Variants in NPFFR2 observed in about 807,000 individuals in gnomAD.
NPFFR2 encodes the protein G-protein coupled receptor 74.
NPFFR2 carries 15 observed loss-of-function variants against 13.1 expected under a neutral mutation model. That is an observed-to-expected ratio of 1.15 (90% confidence interval 0.77 to 1.76). The LOEUF is 1.76. NPFFR2 is among the 40% of genes most tolerant of loss of function. The probability of loss-of-function intolerance (pLI) is 0.00; values close to 1 mark genes in which losing one functional copy is unlikely to be tolerated. For missense variants in NPFFR2, 572 were observed against 503.5 expected, an observed-to-expected ratio of 1.14 and a Z score of -1.30; for synonymous variants, 190 against 175.7, an observed-to-expected ratio of 1.08 and a Z score of -0.65.
At chr4:72,127,263 C>A (rs1437934359) in intron 1 of NPFFR2, among the ~76,000 whole-genome samples, 2 of 98,088 alleles carry the variant, frequency 2.0e-5, no homozygotes, top group Non-Finnish European at 3.7e-5. Context: ...GAGATCGCGC[C>A]ACTGCACTCC....
chr4:72,050,420 T>C (rs1175878186), intron 1 of NPFFR2, among the ~76,000 whole-genome samples: 1 of 151,974 alleles, frequency 6.6e-6, no homozygotes, highest in African/African-American at 2.4e-5. Context: ...TGCTTCATTA[T>C]ACACTCCTCC....
At chr4:72,081,696 G>A (rs1720626849) in intron 1 of NPFFR2, among the ~76,000 whole-genome samples, 1 of 151,846 alleles carries the variant, frequency 6.6e-6, no homozygotes, top group African/African-American at 2.4e-5. Context: ...TTGCTATGTT[G>A]CCTAAGCTTG....
At chr4:72,125,094 C>T (rs2109831161) in intron 1 of NPFFR2, among the ~76,000 whole-genome samples, 1 of 152,236 alleles carries the variant, frequency 6.6e-6, no homozygotes, top group East Asian at 1.9e-4. Context: ...GAAAAAACAA[C>T]CCCATCAAAA....
chr4:72,082,092 A>G (rs1424837719), intron 1 of NPFFR2, among the ~76,000 whole-genome samples: 2 of 152,324 alleles, frequency 1.3e-5, no homozygotes, highest in East Asian at 1.9e-4. Context: ...CTTAACTGGC[A>G]AGAGACTGGC....
At chr4:72,072,060 A>G (rs1172299862) in intron 1 of NPFFR2, among the ~76,000 whole-genome samples, 1 of 152,148 alleles carries the variant, frequency 6.6e-6, no homozygotes, top group Non-Finnish European at 1.5e-5. Flanking sequence ...GCCTACAACA[A>G]TCAAGAAACA....
intron 3 of NPFFR2, among the ~76,000 whole-genome samples, chr4:72,138,562 G>T (rs989200073): frequency 6.6e-6 from 1 of 152,020 alleles, no homozygotes; most frequent in Admixed American, 6.6e-5. Flanking sequence ...GTTTCCAGCT[G>T]CATCCATGTC....
chr4:72,108,007 C>T (rs918369387), intron 1 of NPFFR2, among the ~76,000 whole-genome samples: 7 of 151,836 alleles, frequency 4.6e-5, no homozygotes, highest in Admixed American at 2.0e-4. Context: ...TGAATATAGG[C>T]GATCAATGAA....
chr4:72,101,542 G>A (rs111656840), intron 1 of NPFFR2, among the ~76,000 whole-genome samples: 3,201 of 151,630 alleles, frequency 0.021, 114 homozygotes, highest in African/African-American at 0.073. Flanking sequence ...TAAAATAGGG[G>A]TCATAAAATA....
rs536337841 is a variant in NPFFR2, at chr4:72,079,419, A to T, written c.-8+47219A>T. On this transcript the variant is annotated intron_variant, in intron 1 of 3. Transcript: ENST00000308744. ...GATGCATGCAAATTATTGCTTTAAA[A>T]ACATATGACCAGTTAGTCAACATAA... Among the ~76,000 whole-genome samples, 7 of 152,306 alleles carry T rather than the reference A, an allele frequency of 4.6e-5. No individual in the cohort carries two copies. The South Asian group carries it at 1.4e-3, about 32-fold the overall frequency.
At chr4:72,055,919 G>A (rs1282003345) in intron 1 of NPFFR2, among the ~76,000 whole-genome samples, 1 of 151,968 alleles carries the variant, frequency 6.6e-6, no homozygotes, top group East Asian at 1.9e-4. Flanking sequence ...TGAGGAAGCT[G>A]CAGGAGAAAA....
At chr4:72,094,623 G>A (rs1337678389) in intron 1 of NPFFR2, among the ~76,000 whole-genome samples, 1 of 152,100 alleles carries the variant, frequency 6.6e-6, no homozygotes, top group Non-Finnish European at 1.5e-5. Context: ...GCAACCTCAG[G>A]CCTCACCCAG....
chr4:72,095,808 CTT>C (rs1429248323), intron 1 of NPFFR2, among the ~76,000 whole-genome samples: 1 of 152,114 alleles, frequency 6.6e-6, no homozygotes, highest in Non-Finnish European at 1.5e-5. Context: ...TCAACTGTCT[CTT>C]TAACTCAGAA....
chr4:72,113,753 G>C (rs77290807), intron 1 of NPFFR2, among the ~76,000 whole-genome samples: 21 of 152,164 alleles, frequency 1.4e-4, no homozygotes, highest in African/African-American at 4.3e-4. Flanking sequence ...GGTTGTCTGC[G>C]AGTAGACCAG....
At chr4:72,091,457 C>T (rs1162474115) in intron 1 of NPFFR2, among the ~76,000 whole-genome samples, 9 of 152,066 alleles carry the variant, frequency 5.9e-5, no homozygotes, top group Admixed American at 3.9e-4. Context: ...TCCATCTGGT[C>T]CTGCACTTTT....
chr4:72,040,166 T>G (rs373183292), intron 1 of NPFFR2, among the ~76,000 whole-genome samples: 1 of 152,212 alleles, frequency 6.6e-6, no homozygotes, highest in African/African-American at 2.4e-5. Context: ...AATATTTGTA[T>G]AGACAATATA....
At chr4:72,083,674 TC>T (rs1489430392) in intron 1 of NPFFR2, among the ~76,000 whole-genome samples, 1 of 152,114 alleles carries the variant, frequency 6.6e-6, no homozygotes, top group East Asian at 1.9e-4. Context: ...TCATCGACCT[TC>T]TTTTCATAGG....
chr4:72,133,965 T>A (rs373694862), intron 2 of NPFFR2, among the ~76,000 whole-genome samples: 2 of 152,142 alleles, frequency 1.3e-5, no homozygotes, highest in East Asian at 3.8e-4. Flanking sequence ...AGTTCTTGCA[T>A]ACAAATTACC....
At chr4:72,138,007 A>T (rs1317099473) in intron 2 of NPFFR2, 33 bp from the exon 3 acceptor site, 1 of 1,491,694 alleles carries the variant, frequency 6.7e-7, no homozygotes, top group Non-Finnish European at 9.3e-7. Flanking sequence ...TGAAAATATG[A>T]TCTTTTGAAA....
chr4:72,137,733 G>T (rs1286114771), intron 2 of NPFFR2, among the ~76,000 whole-genome samples: 2 of 152,012 alleles, frequency 1.3e-5, no homozygotes. Context: ...TTGTTACCTC[G>T]TCTATATTGT....
Sources: allele counts gnomAD v4.1 joint callset (sites outside exome capture counted in the v4.1 genomes callset), GRCh38; gene constraint gnomAD v4.1.1; transcripts MANE v1.5; gene names NCBI Gene and HGNC (gene_info 2026-07-23, HGNC 2026-07-21).